Variants in NRK observed in about 807,000 individuals in gnomAD.
NRK encodes Nik related kinase.
NRK carries 67 observed loss-of-function variants against 125.2 expected under a neutral mutation model. The ratio of observed to expected loss-of-function variants is 0.54; its 90% confidence interval spans 0.44 to 0.66. The LOEUF (loss-of-function observed/expected upper bound fraction) is 0.66. Ranked by LOEUF, NRK falls within the 30% of genes least tolerant of loss-of-function variation. The probability of loss-of-function intolerance (pLI) is 0.00; values close to 1 mark genes in which losing one functional copy is unlikely to be tolerated. For synonymous variants in NRK, 458 were observed against 429.0 expected (o/e 1.07, Z -0.84); for missense variants, 1,224 against 1,192.9 (o/e 1.03, Z -0.38).
intron 2 of NRK, among the ~76,000 whole-genome samples, chrX:105,875,148 AT>A (rs2039797194): frequency 9.0e-6 from 1 of 111,502 alleles, no homozygotes; most frequent in Non-Finnish European, 1.9e-5. Flanking sequence ...CTATTCTCTA[AT>A]TGTTTCTGGT....
At chrX:105,906,758 C>T (rs2040224284) in intron 11 of NRK, among the ~76,000 whole-genome samples, 169 bp downstream of exon 11, 1 of 87,248 alleles carries the variant, frequency 1.1e-5, no homozygotes, top group Non-Finnish European at 2.2e-5. Flanking sequence ...ATTTAATTTT[C>T]TCTTGCGTGT....
rs879105318 is a variant in NRK at position 105,822,613 on chromosome X, G to A, written c.-233G>A. On this transcript the variant is annotated 5_prime_UTR_variant, in exon 1 of 29. Transcript: ENST00000243300. ...GGACTGACGCTCAGGCTCCTCTCTC[G>A]CCTTAGCCCAACTTGCTTTCCCGCC... The A allele has an allele frequency of 2.0e-5, 9 of 439,284 alleles. No individual in the cohort carries two copies. The highest frequency in any genetic ancestry group is 9.8e-5 in the South Asian group (3 of 30,507). The allele number at this position is 439,284 out of a possible 1,213,427, so 36.2% of individuals were successfully genotyped here.
At chrX:105,879,725 T>G (rs776094995) in intron 2 of NRK, among the ~76,000 whole-genome samples, 40 of 111,522 alleles carry the variant, frequency 3.6e-4, no homozygotes, top group African/African-American at 1.3e-3. Context: ...ATATTTTGTG[T>G]TTGAAGAAGA....
intron 10 of NRK, 133 bp downstream of exon 10, chrX:105,905,476 A>C: frequency 2.0e-6 from 1 of 503,770 alleles, no homozygotes; most frequent in Admixed American, 3.0e-5. Flanking sequence ...CTAATATCTT[A>C]ACTGGGAGGT....
At chrX:105,905,403 G>T in intron 10 of NRK, 60 bp downstream of exon 10, 3 of 867,878 alleles carry the variant, frequency 3.5e-6, no homozygotes, top group Middle Eastern at 2.7e-4. Flanking sequence ...TGTTAGCAAA[G>T]AAGTTTTAAT....
intron 5 of NRK, among the ~76,000 whole-genome samples, chrX:105,891,135 A>G (rs1225264025): frequency 8.9e-6 from 1 of 111,808 alleles, no homozygotes; most frequent in Non-Finnish European, 1.9e-5. Flanking sequence ...TTATGGATAA[A>G]CATAACTCCT....
chrX:105,826,037 C>T (rs1259088219), intron 1 of NRK, among the ~76,000 whole-genome samples: 1 of 97,347 alleles, frequency 1.0e-5, no homozygotes, highest in Non-Finnish European at 2.0e-5. Flanking sequence ...TCTCTGTCTC[C>T]GTCTCTCTCT....
chrX:105,933,089 A>G (rs930060692), intron 19 of NRK, among the ~76,000 whole-genome samples: 6 of 111,339 alleles, frequency 5.4e-5, no homozygotes, highest in African/African-American at 2.0e-4. Flanking sequence ...TTGAAAAGAA[A>G]GAAAAAAAGG....
intron 22 of NRK, among the ~76,000 whole-genome samples, chrX:105,938,902 C>T (rs1363894548): frequency 1.8e-5 from 2 of 111,306 alleles, no homozygotes; most frequent in Non-Finnish European, 3.8e-5. Context: ...CAAACATGTC[C>T]TTCTTCACAT....
chrX:105,843,132 A>G (rs1239694585), intron 2 of NRK, among the ~76,000 whole-genome samples: 1 of 111,909 alleles, frequency 8.9e-6, no homozygotes, highest in Non-Finnish European at 1.9e-5. Context: ...GCAGCAGGGC[A>G]TAAGGGATAA....
intron 19 of NRK, among the ~76,000 whole-genome samples, chrX:105,932,225 A>G (rs1256248055): frequency 9.0e-6 from 1 of 111,630 alleles, no homozygotes; most frequent in Non-Finnish European, 1.9e-5. Context: ...TTATCCATTT[A>G]TCTACTGATG....
At chrX:105,856,076 A>T (rs779075697) in intron 2 of NRK, among the ~76,000 whole-genome samples, 1 of 111,805 alleles carries the variant, frequency 8.9e-6, no homozygotes, top group Non-Finnish European at 1.9e-5. Context: ...TAAATCCTTT[A>T]ATTTATATTT....
At chrX:105,896,556 G>A (rs747224735) in intron 7 of NRK, among the ~76,000 whole-genome samples, 87 of 111,733 alleles carry the variant, frequency 7.8e-4, no homozygotes, top group Non-Finnish European at 1.5e-3. Context: ...TACATAAGGA[G>A]AGGCCAGGTG....
intron 2 of NRK, among the ~76,000 whole-genome samples, chrX:105,852,560 T>G (rs2039485524): frequency 8.9e-6 from 1 of 111,836 alleles, no homozygotes; most frequent in Non-Finnish European, 1.9e-5. Flanking sequence ...GCCTTGGCCT[T>G]CATTTTTTTT....
chrX:105,935,253 G>T lies in NRK; in HGVS notation c.3583G>T (p.Ala1195Ser). 8.4e-7 allele frequency: 1 copy of T among 1,195,607 alleles called. No homozygotes were observed. Residue 1195 changes from alanine (A) to serine (S), a missense_variant, in exon 21 of 29, where the codon GCA (alanine) becomes TCA (serine). By Grantham distance (99) the Ala-to-Ser change is moderately conservative. Transcript: ENST00000243300. The stretch of plus-strand genomic sequence containing the variant: ...TGTTAACCCACTCTATGTCTCTCCT[G>T]CATGTAAAAAACCACTAATCCACAT... ...VNVNPLYVSP[A>S]CKKPLIHMYE...
At position 105,949,612 on chromosome X, in the gene NRK, T is replaced by C. The variant is rs1487347173; in HGVS notation, c.4391T>C (p.Leu1464Ser). The C allele has an allele frequency of 1.7e-6, 2 of 1,202,012 alleles. No individual in the cohort carries two copies. Among genetic ancestry groups the C allele is most frequent in the Non-Finnish European group, 2.3e-6 (2 of 887,095 alleles). Reference sequence around the variant, plus strand: ...ATTATACCACAGAATATCATCATTTTACCTGATTGCTTGGGAATTGGCATG... The same window carrying C: ...ATTATACCACAGAATATCATCATTTCACCTGATTGCTTGGGAATTGGCATG... ...EIIIPQNIII[L>S]PDCLGIGMML... The change falls in exon 27 of 29, where the codon TTA becomes TCA. Residue 1464 changes from leucine (L) to serine (S), a missense_variant. Physicochemically the swap from Leu to Ser is moderately radical, Grantham distance 145. Coordinates refer to ENST00000243300, the MANE Select transcript of NRK (RefSeq NM_198465.4).
chrX:105,859,052 C>A (rs1021049274), intron 2 of NRK, among the ~76,000 whole-genome samples: 6 of 111,162 alleles, frequency 5.4e-5, no homozygotes, highest in Non-Finnish European at 1.1e-4. Context: ...AATATACTCA[C>A]CTTAAAAGAG....
intron 2 of NRK, among the ~76,000 whole-genome samples, chrX:105,846,897 A>T (rs1432329504): frequency 8.9e-6 from 1 of 112,232 alleles, no homozygotes; most frequent in Non-Finnish European, 1.9e-5. Flanking sequence ...TATGCTTTAT[A>T]GGCATTAAGT....
chrX:105,876,477 C>A (rs1431051470), intron 2 of NRK, among the ~76,000 whole-genome samples: 1 of 110,430 alleles, frequency 9.1e-6, no homozygotes, highest in East Asian at 2.9e-4. Flanking sequence ...TCTTGTGGAG[C>A]TAGTGGCTCC....
Sources: allele counts gnomAD v4.1 joint callset (sites outside exome capture counted in the v4.1 genomes callset), GRCh38; gene constraint gnomAD v4.1.1; transcripts MANE v1.5; gene names NCBI Gene and HGNC (gene_info 2026-07-23, HGNC 2026-07-21).